DYSF: variants seen among roughly 807,000 people sequenced by gnomAD.
DYSF encodes dystrophy-associated fer-1-like 1.
A neutral mutation model predicts 274.9 loss-of-function variants in DYSF; 212 were observed. The ratio of observed to expected loss-of-function variants is 0.77; its 90% confidence interval spans 0.69 to 0.86. The LOEUF (loss-of-function observed/expected upper bound fraction) is 0.86. DYSF is among the 40% of genes least tolerant of loss of function. DYSF has a pLI of 0.00. For synonymous variants in DYSF, 1,091 were observed against 1,078.7 expected (o/e 1.01, Z -0.22); for missense variants, 2,666 against 2,783.2 (o/e 0.96, Z 0.95).
intron 22 of DYSF, among the ~76,000 whole-genome samples, chr2:71,558,721 AAGAGTGGCTGG>A (rs2091506505): frequency 2.0e-5 from 3 of 152,090 alleles, no homozygotes; most frequent in Admixed American, 2.0e-4. Flanking sequence ...CTGGGGTTGG[AAGAGTGGCTGG>A]GCCTCCCAGC....
chr2:71,503,662 C>T (rs1247565805), intron 4 of DYSF, among the ~76,000 whole-genome samples: 1 of 152,176 alleles, frequency 6.6e-6, no homozygotes, highest in Non-Finnish European at 1.5e-5. Context: ...GGCAGACCTC[C>T]CCTCCTCCCT....
chr2:71,638,381 A>G (rs1044850386), intron 41 of DYSF, among the ~76,000 whole-genome samples: 2 of 144,014 alleles, frequency 1.4e-5, no homozygotes, highest in African/African-American at 5.1e-5. Context: ...AAAAAAAAGT[A>G]CTGAAGAGCA....
chr2:71,640,305 T>C (rs2094467106), intron 41 of DYSF, among the ~76,000 whole-genome samples: 1 of 152,252 alleles, frequency 6.6e-6, no homozygotes, highest in Non-Finnish European at 1.5e-5. Context: ...CTTCCTTTTA[T>C]TTTTAATTTA....
chr2:71,538,735 C>G (rs1301787372), intron 16 of DYSF, among the ~76,000 whole-genome samples: 4 of 152,190 alleles, frequency 2.6e-5, no homozygotes, highest in African/African-American at 9.6e-5. Context: ...CTAGTTTTCT[C>G]CTTGATCTGG....
intron 30 of DYSF, among the ~76,000 whole-genome samples, chr2:71,579,357 G>A (rs536809759): frequency 1.3e-5 from 2 of 152,334 alleles, no homozygotes; most frequent in African/African-American, 2.4e-5. Flanking sequence ...CGTCGGCAAC[G>A]TGTGCTCAGA....
At chr2:71,507,348 G>A (rs1304423793) in intron 4 of DYSF, among the ~76,000 whole-genome samples, 1 of 152,230 alleles carries the variant, frequency 6.6e-6, no homozygotes, top group Non-Finnish European at 1.5e-5. Context: ...GCTCAATGGG[G>A]TCCACTCAGA....
intron 17 of DYSF, among the ~76,000 whole-genome samples, chr2:71,548,784 G>T (rs1360121818): frequency 6.6e-6 from 1 of 151,952 alleles, no homozygotes; most frequent in Non-Finnish European, 1.5e-5. Context: ...TTGTGAAAAC[G>T]CAACGTGGAG....
chr2:71,570,458 A>AC lies in DYSF; in HGVS notation c.3085+130dup, dbSNP rs1031562491. 5.7e-6 allele frequency: 8 copies of AC among 1,403,890 alleles called. 1 individual carries two copies. Among genetic ancestry groups the AC allele is most frequent in the South Asian group, 4.8e-5 (4 of 82,564 alleles). The allele number at this position is 1,403,890 out of a possible 1,614,324, so 87.0% of individuals were successfully genotyped here. ...TCACCCAGGGACGCTTCTTGAAGGC[A>AC]CCCCCCACTCCAAGCTGCAAATTAG... On this transcript the variant is annotated intron_variant, in intron 28 of 55. Transcript: ENST00000410020.
intron 41 of DYSF, among the ~76,000 whole-genome samples, chr2:71,632,247 G>A (rs1035794870): frequency 2.0e-5 from 3 of 152,202 alleles, no homozygotes; most frequent in Non-Finnish European, 4.4e-5. Context: ...AGTGTGCTTG[G>A]TGAAGCTTAT....
intron 3 of DYSF, among the ~76,000 whole-genome samples, chr2:71,492,336 G>T (rs1010083034): frequency 2.0e-5 from 3 of 152,136 alleles, no homozygotes; most frequent in Non-Finnish European, 2.9e-5. Context: ...AGCTGGAGGG[G>T]CTCAGAGGAC....
intron 3 of DYSF, among the ~76,000 whole-genome samples, chr2:71,484,355 A>T (rs973223707): frequency 1.3e-5 from 2 of 152,044 alleles, no homozygotes; most frequent in Non-Finnish European, 2.9e-5. Flanking sequence ...GCCTGGCCAG[A>T]GATTTCCTTT....
intron 32 of DYSF, among the ~76,000 whole-genome samples, chr2:71,592,911 T>C (rs1027356695): frequency 1.4e-4 from 22 of 152,152 alleles, no homozygotes; most frequent in East Asian, 5.8e-4. Context: ...TTGAATAATA[T>C]TGAACTTGGG....
At chr2:71,466,585 C>T, upstream of DYSF, 1 of 1,176,314 alleles carries the variant, frequency 8.5e-7, no homozygotes, top group Non-Finnish European at 1.1e-6. Flanking sequence ...CCCGTCTGAC[C>T]CCTGTCCCTC....
In DYSF at chr2:71,603,442, G is replaced by T. The variant is rs369208580; in HGVS notation, c.3957+637G>T. On this transcript the variant is annotated intron_variant, in intron 36 of 55. Coordinates refer to ENST00000410020, the MANE Select transcript of DYSF (RefSeq NM_001130987.2). ...GCCAGAGGGTGGGTGGCAGAGACCT[G>T]GGTGGAGAGACAGGAAGGAGAGCCC... Among the ~76,000 whole-genome samples the T allele has an allele frequency of 1.7e-4, 26 of 152,332 alleles. 1 individual carries two copies. The South Asian group carries it at 1.9e-3, about 11-fold the overall frequency.
intron 3 of DYSF, among the ~76,000 whole-genome samples, chr2:71,494,729 T>C (rs547560486): frequency 6.6e-6 from 1 of 152,324 alleles, no homozygotes; most frequent in South Asian, 2.1e-4. Flanking sequence ...TCTCTCAGAG[T>C]TGAAAGACCT....
Position 71,515,675 on chromosome 2 carries a change from C to T in DYSF, c.812C>T (p.Pro271Leu), listed in dbSNP as rs772063504. The T allele has an allele frequency of 1.2e-6, 2 of 1,614,068 alleles. No individual in the cohort carries two copies. Among genetic ancestry groups the T allele is most frequent in the South Asian group, 2.2e-5 (2 of 91,078 alleles). Residue 271 changes from proline to leucine, a missense_variant, in exon 8 of 56, where the codon CCT becomes CTT. Pro to Leu is a moderately conservative substitution (Grantham distance 98, BLOSUM62 -3). Transcript: ENST00000410020. ...CAGCTGCCGGGGGTGAACATCAAGC[C>T]TGTGGTCAAGGTTACCGCTGCAGGG... is the stretch of plus-strand genomic sequence containing the variant. Reference protein sequence around the residue: ...GRQLPGVNIKPVVKVTAAGQT... With the variant: ...GRQLPGVNIKLVVKVTAAGQT...
rs573388223 is a variant in DYSF at position 71,585,936 on chromosome 2, C to T, written c.3403-3657C>T. Among the ~76,000 whole-genome samples the T allele has an allele frequency of 4.6e-5, 7 of 151,940 alleles. No homozygotes were observed. The South Asian group carries it at 6.2e-4, about 14-fold the overall frequency. On this transcript the variant is annotated intron_variant, in intron 30 of 55. Transcript: ENST00000410020. ...CCTTGATGATAAGACTGCACAGAAA[C>T]GTCAGGGGACACATGGGGCAAGGGC...
At chr2:71,549,357 T>A (rs1342252102) in intron 17 of DYSF, 1 of 1,612,812 alleles carries the variant, frequency 6.2e-7, no homozygotes, top group Non-Finnish European at 8.5e-7. Flanking sequence ...CAGAGGAGCC[T>A]GCAGGTGCTG....
rs139099979 is a variant in DYSF at position 71,656,300 on chromosome 2, C to T, written c.4755+10C>T. ...GATTGGTGAATTTAAGGTAAATCCT[C>T]GAAGACGTCCCTAACCCAGGTGGGC... On this transcript the variant is annotated intron_variant, in intron 43 of 55. Transcript: ENST00000410020. The T allele has an allele frequency of 1.5e-5, 24 of 1,613,622 alleles. No individual in the cohort carries two copies. In the East Asian group the frequency reaches 1.8e-4, roughly 12 times the overall value.
Sources: gnomAD v4.1 joint callset for allele counts (sites outside exome capture counted in the v4.1 genomes callset) on GRCh38, gnomAD v4.1.1 for gene constraint, MANE v1.5 for transcripts, NCBI Gene and HGNC (gene_info 2026-07-23, HGNC 2026-07-21) for gene names.